The following EEF1AKMT1 variants were observed in gnomAD, a reference collection of about 807,000 sequenced individuals.
The protein encoded by EEF1AKMT1 is N-6 adenine-specific DNA methyltransferase 2 (putative).
In EEF1AKMT1, 18 loss-of-function variants were observed where a neutral mutation model predicts 21.0. The ratio of observed to expected loss-of-function variants is 0.86; its 90% CI spans 0.59 to 1.27. The LOEUF (loss-of-function observed/expected upper bound fraction) is 1.27. EEF1AKMT1 is among the 50% of genes most tolerant of loss of function. The pLI, the probability that EEF1AKMT1 is intolerant of heterozygous loss-of-function variation, is 0.00. For synonymous variants in EEF1AKMT1, 109 were observed against 94.8 expected (o/e 1.15, Z -0.87); for missense variants, 246 against 258.6 (o/e 0.95, Z 0.33).
chr13:20,743,934 G>C (rs890180096), intron 2 of EEF1AKMT1, among the ~76,000 whole-genome samples: 10 of 152,086 alleles, frequency 6.6e-5, no homozygotes, highest in African/African-American at 2.4e-4. Flanking sequence ...TTATGAGTGA[G>C]AACAAGCGGT....
chr13:20,772,986 A>G (rs962677629), intron 1 of EEF1AKMT1, among the ~76,000 whole-genome samples: 1 of 152,166 alleles, frequency 6.6e-6, no homozygotes, highest in African/African-American at 2.4e-5. Context: ...GGCTCCCTCT[A>G]TGAATGGGTA....
intron 2 of EEF1AKMT1, among the ~76,000 whole-genome samples, chr13:20,743,722 TG>T (rs1290694449): frequency 1.3e-5 from 2 of 151,554 alleles, no homozygotes; most frequent in African/African-American, 4.9e-5. Context: ...GTGCAGAATG[TG>T]CAGGTTTGTT....
At chr13:20,737,925 T>C (rs1386719582) in intron 2 of EEF1AKMT1, 120 bp from the exon 3 acceptor site, 3 of 584,170 alleles carry the variant, frequency 5.1e-6, no homozygotes, top group Non-Finnish European at 5.7e-6. Flanking sequence ...ATATAATCTA[T>C]ACCAGTGGAC....
At chr13:20,730,867 T>G (rs185554969) in intron 4 of EEF1AKMT1, among the ~76,000 whole-genome samples, 1 of 152,282 alleles carries the variant, frequency 6.6e-6, no homozygotes, top group Admixed American at 6.5e-5. Context: ...TTCCATGGTG[T>G]GGAAGGTTTG....
chr13:20,750,292 T>A (rs1188002521), intron 2 of EEF1AKMT1, among the ~76,000 whole-genome samples: 3 of 152,164 alleles, frequency 2.0e-5, no homozygotes, highest in African/African-American at 4.8e-5. Context: ...ACATCAGATC[T>A]TATTCCTTCT....
At chr13:20,742,213 C>A (rs2058875499) in intron 2 of EEF1AKMT1, among the ~76,000 whole-genome samples, 1 of 151,992 alleles carries the variant, frequency 6.6e-6, no homozygotes, top group African/African-American at 2.4e-5. Context: ...TTTGCATTTC[C>A]CTGTTGTACA....
intron 1 of EEF1AKMT1, among the ~76,000 whole-genome samples, chr13:20,771,703 G>C (rs1426881905): frequency 6.6e-6 from 1 of 152,192 alleles, no homozygotes; most frequent in East Asian, 1.9e-4. Context: ...CTGTTAGCAA[G>C]ATAAACATCA....
At chr13:20,765,413 T>TTTTTG (rs2059024494) in intron 1 of EEF1AKMT1, among the ~76,000 whole-genome samples, 1 of 125,796 alleles carries the variant, frequency 7.9e-6, no homozygotes, top group East Asian at 2.5e-4. Flanking sequence ...GGGTTTTTTT[T>TTTTTG]TTTTTTTTTT....
chr13:20,739,256 G>A (rs558899819), intron 2 of EEF1AKMT1, among the ~76,000 whole-genome samples: 21 of 152,316 alleles, frequency 1.4e-4, no homozygotes, highest in Admixed American at 3.9e-4. Flanking sequence ...AGCTCATAAA[G>A]GCAACGCAGA....
chr13:20,770,943 G>A (rs1448970999), intron 1 of EEF1AKMT1, among the ~76,000 whole-genome samples: 14 of 151,368 alleles, frequency 9.2e-5, no homozygotes, highest in Non-Finnish European at 5.9e-5. Context: ...GCAGTGGTGC[G>A]ATTGTGGCTC....
intron 1 of EEF1AKMT1, chr13:20,768,817 T>G (rs952913841): frequency 2.6e-5 from 4 of 152,180 alleles, no homozygotes; most frequent in African/African-American, 9.7e-5. Flanking sequence ...CAGCTATGCA[T>G]GCATTCTTGT....
chr13:20,750,967 C>T (rs1165804665), intron 2 of EEF1AKMT1, among the ~76,000 whole-genome samples: 2 of 152,152 alleles, frequency 1.3e-5, no homozygotes, highest in East Asian at 3.8e-4. Flanking sequence ...TACCAGTTGG[C>T]CATTTGTATG....
intron 1 of EEF1AKMT1, among the ~76,000 whole-genome samples, chr13:20,773,089 TTC>T (rs536296209): frequency 6.6e-4 from 100 of 152,204 alleles, no homozygotes; most frequent in Non-Finnish European, 1.3e-3. Flanking sequence ...AAGGTTTTCA[TTC>T]TGTTTTCATC....
chr13:20,736,476 A>T (rs984235579), intron 3 of EEF1AKMT1, among the ~76,000 whole-genome samples: 1 of 152,120 alleles, frequency 6.6e-6, no homozygotes, highest in Non-Finnish European at 1.5e-5. Context: ...GAGTACAGGA[A>T]ATAGGGAATC....
chr13:20,767,914 A>G (rs981853079), intron 1 of EEF1AKMT1, among the ~76,000 whole-genome samples: 1 of 152,198 alleles, frequency 6.6e-6, no homozygotes, highest in African/African-American at 2.4e-5. Flanking sequence ...TGTCTAATCT[A>G]TTAATCCCAT....
At chr13:20,747,932 T>C (rs1368057277) in intron 2 of EEF1AKMT1, 2 of 199,902 alleles carry the variant, frequency 1.0e-5, no homozygotes, top group East Asian at 1.3e-4. Context: ...TGAACCTCAA[T>C]ACCCAAGGTA....
rs777445385 is a variant in EEF1AKMT1, at chr13:20,729,227, C to T, written c.509-11G>A. 9 of 1,613,944 alleles carry T rather than the reference C, an allele frequency of 5.6e-6. No individual in the cohort carries two copies. The highest frequency in any genetic ancestry group is 6.8e-6 in the Non-Finnish European group (8 of 1,180,028). On this transcript the variant is annotated splice_polypyrimidine_tract_variant and intron_variant, in intron 4 of 4. Coordinates refer to ENST00000382758, the MANE Select transcript of EEF1AKMT1 (RefSeq NM_001318939.2). The stretch of plus-strand genomic sequence containing the variant: ...CTTCCATGATGGCACCTGAAGAGAA[C>T]AAAGCAAATGAATCCAGAGAGTGAC...
intron 3 of EEF1AKMT1, among the ~76,000 whole-genome samples, chr13:20,733,342 C>T (rs866906538): frequency 6.6e-6 from 1 of 152,144 alleles, no homozygotes; most frequent in African/African-American, 2.4e-5. Context: ...GATCCACCTG[C>T]CTTGGCCTCC....
rs1056052236 is a variant in EEF1AKMT1 at position 20,730,832 on chromosome 13, A to G, written c.508+1009T>C. Among the ~76,000 whole-genome samples the G allele has an allele frequency of 2.0e-5, 3 of 152,208 alleles. No individual in the cohort carries two copies. The South Asian group carries it at 6.2e-4, about 32-fold the overall frequency. On this transcript the variant is annotated intron_variant, in intron 4 of 4. Transcript: ENST00000382758. Reference sequence around the variant, plus strand: ...AATAAAAGCTGGCCACCCCGCAGCCAGCAGTGCAACCAGGTGTTGTCCTCT... The same window carrying G: ...AATAAAAGCTGGCCACCCCGCAGCCGGCAGTGCAACCAGGTGTTGTCCTCT...
Sources: allele counts gnomAD v4.1 joint callset (sites outside exome capture counted in the v4.1 genomes callset), GRCh38; gene constraint gnomAD v4.1.1; transcripts MANE v1.5; gene names NCBI Gene and HGNC (gene_info 2026-07-23, HGNC 2026-07-21).